Variants in SNX18 observed in about 807,000 individuals in gnomAD.
The protein encoded by SNX18 is sorting nexin 18, also known as sorting nexin-18.
Under a neutral mutation model 48.7 loss-of-function variants are expected in SNX18, and 35 were observed. The ratio of observed to expected loss-of-function variants is 0.72; its 90% CI spans 0.55 to 0.95. The LOEUF (loss-of-function observed/expected upper bound fraction) is 0.95. Among genes scored for constraint, SNX18 ranks in the 40% least tolerant of loss-of-function variants. SNX18 has a pLI of 0.00. For missense variants in SNX18, 824 were observed against 871.0 expected, an observed-to-expected ratio of 0.95 and a Z score of 0.68; for synonymous variants, 492 against 384.7, an observed-to-expected ratio of 1.28 and a Z score of -3.26.
the SNX18 span, among the ~76,000 whole-genome samples, chr5:54,555,378 C>CT: frequency 3.6e-3 from 513 of 144,490 alleles, 5 homozygotes; most frequent in African/African-American, 6.1e-3. Context: ...GCATACCTTT[C>CT]TTTTTTTTTT....
the SNX18 span, among the ~76,000 whole-genome samples, chr5:54,610,140 C>A: frequency 6.6e-6 from 1 of 152,166 alleles, no homozygotes; most frequent in African/African-American, 2.4e-5. Context: ...GCAAATGAAA[C>A]CTCTTTTCTT....
At chr5:54,610,331 A>T in the SNX18 span, among the ~76,000 whole-genome samples, 176 of 152,236 alleles carry the variant, frequency 1.2e-3, no homozygotes, top group Middle Eastern at 3.4e-3. Context: ...ACCTCACACC[A>T]CTGAACATGT....
the SNX18 span, among the ~76,000 whole-genome samples, chr5:54,556,760 G>A: frequency 6.6e-6 from 1 of 152,138 alleles, no homozygotes; most frequent in African/African-American, 2.4e-5. Flanking sequence ...GAACTTGCAG[G>A]ATTGGGGGGT....
At chr5:54,599,645 C>T in the SNX18 span, among the ~76,000 whole-genome samples, 1 of 152,048 alleles carries the variant, frequency 6.6e-6, no homozygotes, top group Non-Finnish European at 1.5e-5. Flanking sequence ...GACACATAGA[C>T]CAATGAAACA....
chr5:54,534,315 C>T (rs1351242425), intron 1 of SNX18, among the ~76,000 whole-genome samples: 12 of 146,866 alleles, frequency 8.2e-5, no homozygotes, highest in Non-Finnish European at 1.8e-4. Context: ...TATAATTAGT[C>T]TTAGAAGAGA....
the SNX18 span, among the ~76,000 whole-genome samples, chr5:54,608,499 G>T: frequency 6.6e-6 from 1 of 152,174 alleles, no homozygotes; most frequent in Non-Finnish European, 1.5e-5. Flanking sequence ...GCCTCCCAAA[G>T]TGCTGGAATT....
chr5:54,624,158 TAATC>T, the SNX18 span, among the ~76,000 whole-genome samples: 1 of 152,188 alleles, frequency 6.6e-6, no homozygotes. Context: ...AAAAATAACT[TAATC>T]AATCAATTGC....
chr5:54,643,258 G>C, the SNX18 span, among the ~76,000 whole-genome samples: 9 of 152,082 alleles, frequency 5.9e-5, no homozygotes, highest in Non-Finnish European at 1.3e-4. Context: ...TATATTTTTA[G>C]TATCCAGTTA....
At chr5:54,636,354 T>C in the SNX18 span, among the ~76,000 whole-genome samples, 1 of 142,022 alleles carries the variant, frequency 7.0e-6, no homozygotes, top group Non-Finnish European at 1.5e-5. Context: ...TTTGATGAAG[T>C]CTTCCTGGTG....
In SNX18 at chr5:54,543,213, C is replaced by T. The variant is rs143448359; in HGVS notation, c.1656C>T (p.His552=). Residue 552 remains histidine, a synonymous_variant, in exon 2 of 2, where the codon CAC becomes CAT. Coordinates refer to ENST00000381410, the MANE Select transcript of SNX18 (RefSeq NM_001102575.2). ...ALTKVKESRR[H]VEEGKMEVQK... is the part of the protein sequence containing the mutation. ...CCAAAGTCAAGGAGAGTAGGCGACA[C>T]GTGGAGGAAGGGAAGATGGAGGTGC... 404 of 1,613,934 alleles carry T rather than the reference C, an allele frequency of 2.5e-4. 1 individual carries two copies. In the African/African-American group the frequency reaches 4.3e-3, roughly 17 times the overall value.
At chr5:54,610,528 G>A in the SNX18 span, among the ~76,000 whole-genome samples, 3 of 152,322 alleles carry the variant, frequency 2.0e-5, no homozygotes, top group East Asian at 1.9e-4. Context: ...AGCCAAGATT[G>A]GAGATTCAGA....
the SNX18 span, among the ~76,000 whole-genome samples, chr5:54,564,366 A>G: frequency 1.3e-5 from 2 of 152,150 alleles, no homozygotes; most frequent in African/African-American, 2.4e-5. Flanking sequence ...TTTATTTTCT[A>G]TTTCCTTATA....
At chr5:54,634,054 T>C in the SNX18 span, among the ~76,000 whole-genome samples, 1 of 152,236 alleles carries the variant, frequency 6.6e-6, no homozygotes, top group African/African-American at 2.4e-5. Flanking sequence ...AAATGTGCAG[T>C]ACTCTGAAGA....
the SNX18 span, among the ~76,000 whole-genome samples, chr5:54,626,182 T>A: frequency 6.6e-6 from 1 of 152,246 alleles, no homozygotes; most frequent in African/African-American, 2.4e-5. Flanking sequence ...GATATGTCAT[T>A]ACCTTTTAAA....
At chr5:54,575,933 G>A in the SNX18 span, among the ~76,000 whole-genome samples, 6 of 152,068 alleles carry the variant, frequency 3.9e-5, no homozygotes, top group Non-Finnish European at 5.9e-5. Flanking sequence ...TCATTTCTTT[G>A]TCTAAAAGGC....
the SNX18 span, among the ~76,000 whole-genome samples, chr5:54,585,534 A>G: frequency 6.6e-6 from 1 of 152,072 alleles, no homozygotes; most frequent in Non-Finnish European, 1.5e-5. Context: ...ATGAAGGGAC[A>G]TGGGACTTCC....
chr5:54,521,743 A>AGCC, intron 1 of SNX18, among the ~76,000 whole-genome samples: 1 of 152,004 alleles, frequency 6.6e-6, no homozygotes, highest in Non-Finnish European at 1.5e-5. Context: ...TTCTTTATTT[A>AGCC]TTTTGTAGAG....
the SNX18 span, among the ~76,000 whole-genome samples, chr5:54,642,025 G>A: frequency 1.4e-4 from 22 of 152,326 alleles, no homozygotes; most frequent in African/African-American, 5.1e-4. Flanking sequence ...GTGTCTCTGG[G>A]ACTGAGAGAC....
At chr5:54,612,515 G>A in the SNX18 span, among the ~76,000 whole-genome samples, 27 of 151,930 alleles carry the variant, frequency 1.8e-4, no homozygotes, top group East Asian at 3.9e-4. Flanking sequence ...TGCCGGTCTC[G>A]GCCTCCCAAA....
Sources: gnomAD v4.1 joint callset for allele counts (sites outside exome capture counted in the v4.1 genomes callset) on GRCh38, gnomAD v4.1.1 for gene constraint, MANE v1.5 for transcripts, NCBI Gene and HGNC (gene_info 2026-07-23, HGNC 2026-07-21) for gene names.